SLC17A1: variants seen among roughly 807,000 people sequenced by gnomAD.
SLC17A1 encodes solute carrier family 17 member 1.
A neutral mutation model predicts 53.5 loss-of-function variants in SLC17A1; 51 were observed. The ratio of observed to expected loss-of-function variants is 0.95; its 90% CI spans 0.76 to 1.20. The LOEUF (loss-of-function observed/expected upper bound fraction) is 1.20. Ranked by LOEUF, SLC17A1 falls within the 50% of genes most tolerant of loss-of-function variation. The probability of loss-of-function intolerance (pLI) is 0.00; values close to 1 mark genes in which losing one functional copy is unlikely to be tolerated. For synonymous variants in SLC17A1, 179 were observed against 198.8 expected (o/e 0.90, Z 0.84); for missense variants, 538 against 568.2 (o/e 0.95, Z 0.54).
the SLC17A1 span, chr6:25,726,667 C>T: frequency 8.3e-7 from 1 of 1,201,450 alleles, no homozygotes; most frequent in East Asian, 2.4e-5. Context: ...GTACTAGAAT[C>T]GCCTCATTTG....
At chr6:25,768,332 A>G in the SLC17A1 span, 1 of 980,286 alleles carries the variant, frequency 1.0e-6, no homozygotes, top group Non-Finnish European at 1.2e-6. Context: ...GGATTTCTCT[A>G]CAGGGATAGT....
At chr6:25,726,293 T>TGC in the SLC17A1 span, 1 of 1,613,968 alleles carries the variant, frequency 6.2e-7, no homozygotes, top group Non-Finnish European at 8.5e-7. Flanking sequence ...CGGGGAATAA[T>TGC]GCGAGTTTTT....
the SLC17A1 span, among the ~76,000 whole-genome samples, chr6:25,775,124 G>GT: frequency 4.1e-4 from 62 of 152,252 alleles, no homozygotes; most frequent in Non-Finnish European, 8.8e-5. Flanking sequence ...GAGGTCAGGT[G>GT]TTTGAGACCA....
At chr6:25,825,698 A>G (rs2151506747) in intron 3 of SLC17A1, among the ~76,000 whole-genome samples, 1 of 152,078 alleles carries the variant, frequency 6.6e-6, no homozygotes, top group African/African-American at 2.4e-5. Flanking sequence ...GTTTGTCATT[A>G]ATTATGGAAA....
At chr6:25,770,660 TTG>T in the SLC17A1 span, among the ~76,000 whole-genome samples, 1 of 152,242 alleles carries the variant, frequency 6.6e-6, no homozygotes, top group Non-Finnish European at 1.5e-5. Context: ...CCAAACATTC[TTG>T]TGTTTTGCAC....
chr6:25,779,010 A>G, downstream of SLC17A1: 1 of 1,607,522 alleles, frequency 6.2e-7, no homozygotes. Context: ...CAAGAGGGAC[A>G]GGAATTGGGT....
chr6:25,776,247 C>A, the SLC17A1 span, among the ~76,000 whole-genome samples: 1 of 151,996 alleles, frequency 6.6e-6, no homozygotes, highest in African/African-American at 2.4e-5. Context: ...AGTTGGATAC[C>A]TTTTAACATG....
chr6:25,804,346 G>A (rs1353893172), intron 10 of SLC17A1, among the ~76,000 whole-genome samples: 1 of 152,062 alleles, frequency 6.6e-6, no homozygotes. Context: ...AAATGATGAG[G>A]GGATTTGTCT....
At chr6:25,747,651 C>A in the SLC17A1 span, among the ~76,000 whole-genome samples, 1 of 152,228 alleles carries the variant, frequency 6.6e-6, no homozygotes, top group African/African-American at 2.4e-5. Flanking sequence ...AGGCTGGATT[C>A]CTCATGAATG....
At chr6:25,814,983 TCACACAAACA>T (rs70977230) in intron 6 of SLC17A1, among the ~76,000 whole-genome samples, 10,051 of 140,480 alleles carry the variant, frequency 0.072, 404 homozygotes, top group Non-Finnish European at 0.09. Flanking sequence ...CAAGACTCTG[TCACACAAACA>T]CACACACACA....
the SLC17A1 span, among the ~76,000 whole-genome samples, chr6:25,763,759 C>T: frequency 6.6e-6 from 1 of 152,160 alleles, no homozygotes; most frequent in African/African-American, 2.4e-5. Flanking sequence ...GCCTGAAGAT[C>T]AGTAGTTTTT....
the SLC17A1 span, among the ~76,000 whole-genome samples, chr6:25,756,671 A>C: frequency 7.1e-3 from 1,077 of 152,292 alleles, 12 homozygotes; most frequent in African/African-American, 0.023. Context: ...AAAACTGGCA[A>C]TTGATTTCTG....
chr6:25,797,140 A>C (rs1057479981), intron 12 of SLC17A1, among the ~76,000 whole-genome samples: 2 of 152,242 alleles, frequency 1.3e-5, no homozygotes, highest in Non-Finnish European at 2.9e-5. Flanking sequence ...TTCTGAAACA[A>C]ACAAAAAACA....
chr6:25,828,436 T>A (rs544856001), intron 2 of SLC17A1, among the ~76,000 whole-genome samples: 21 of 152,218 alleles, frequency 1.4e-4, no homozygotes, highest in African/African-American at 5.1e-4. Flanking sequence ...ATAAATAGAT[T>A]TTTTATATCT....
intron 2 of SLC17A1, among the ~76,000 whole-genome samples, chr6:25,827,190 A>T (rs944739475): frequency 8.5e-5 from 13 of 152,314 alleles, no homozygotes; most frequent in African/African-American, 3.1e-4. Flanking sequence ...TTTTAAAAAT[A>T]AATGTACTAA....
the SLC17A1 span, among the ~76,000 whole-genome samples, chr6:25,737,172 G>A: frequency 6.6e-6 from 1 of 152,172 alleles, no homozygotes; most frequent in Non-Finnish European, 1.5e-5. Flanking sequence ...TATTCTATAG[G>A]TGACAAGATT....
intron 2 of SLC17A1, among the ~76,000 whole-genome samples, chr6:25,830,227 T>C (rs187528696): frequency 6.6e-6 from 1 of 152,314 alleles, no homozygotes; most frequent in East Asian, 1.9e-4. Context: ...GATCTATCTC[T>C]CTTTCTCTTG....
At chr6:25,811,824 C>A in intron 8 of SLC17A1, 54 bp from the exon 9 acceptor site, 2 of 1,588,514 alleles carry the variant, frequency 1.3e-6, no homozygotes, top group South Asian at 1.1e-5. Context: ...GCAGTACTGA[C>A]ACACAGAGTA....
chr6:25,811,300 A>T, intron 10 of SLC17A1, 98 bp downstream of exon 10: 1 of 1,328,468 alleles, frequency 7.5e-7, no homozygotes, highest in South Asian at 1.5e-5. Flanking sequence ...TAGCCATTCC[A>T]CAAAGTATCC....
Sources: gnomAD v4.1 joint callset for allele counts (sites outside exome capture counted in the v4.1 genomes callset) on GRCh38, gnomAD v4.1.1 for gene constraint, MANE v1.5 for transcripts, NCBI Gene and HGNC (gene_info 2026-07-23, HGNC 2026-07-21) for gene names.